FAM135B: variants seen among roughly 807,000 people sequenced by gnomAD.
FAM135B encodes the protein protein FAM135B.
A neutral mutation model predicts 127.7 loss-of-function variants in FAM135B; 43 were observed. The ratio of observed to expected loss-of-function variants is 0.34; its 90% CI spans 0.26 to 0.43. The LOEUF (loss-of-function observed/expected upper bound fraction) is 0.43, where lower values mean the gene tolerates loss of function less well. Ranked by LOEUF, FAM135B falls within the 20% of genes least tolerant of loss-of-function variation. The probability of loss-of-function intolerance (pLI) is 1.00; values close to 1 mark genes in which losing one functional copy is unlikely to be tolerated. For synonymous variants in FAM135B, 670 were observed against 665.1 expected, an observed-to-expected ratio of 1.01 and a Z score of -0.11; for missense variants, 1,558 against 1,725.6, an observed-to-expected ratio of 0.90 and a Z score of 1.72.
At chr8:138,261,774 A>G (rs77384682) in intron 4 of FAM135B, among the ~76,000 whole-genome samples, 4 of 108,122 alleles carry the variant, frequency 3.7e-5, no homozygotes, top group Non-Finnish European at 2.0e-5. Context: ...CTGAATCTTC[A>G]TGTCTGAATT....
chr8:138,447,285 C>T (rs1433387207), intron 1 of FAM135B, among the ~76,000 whole-genome samples: 1 of 152,034 alleles, frequency 6.6e-6, no homozygotes, highest in Admixed American at 6.6e-5. Flanking sequence ...TACCATTTGA[C>T]CCAGCCATCC....
chr8:138,266,623 A>ATG (rs1005113373), intron 3 of FAM135B, among the ~76,000 whole-genome samples: 1 of 148,736 alleles, frequency 6.7e-6, no homozygotes, highest in African/African-American at 2.5e-5. Flanking sequence ...ATATGTATAT[A>ATG]TGTGTATATA....
In FAM135B at chr8:138,152,620, C is replaced by T. The variant is rs1187813761; in HGVS notation, c.1855G>A (p.Gly619Arg). 2 of 1,614,142 alleles carry T rather than the reference C, an allele frequency of 1.2e-6. No individual in the cohort carries two copies. The highest frequency in any genetic ancestry group is 1.3e-5 in the African/African-American group (1 of 75,050). The change falls in exon 13 of 20, where the codon GGA becomes AGA. Residue 619 changes from glycine to arginine, a missense_variant. By Grantham distance (125) the Gly-to-Arg change is moderately radical. Around this residue, in one of 5 missense-constraint regions of FAM135B, gnomAD observed 923 missense variants for 865.3 expected, o/e 1.07. Coordinates refer to ENST00000395297, the MANE Select transcript of FAM135B (RefSeq NM_015912.4). ...KTTLHELSTL[G>R]KGIDQEGKMV... is the part of the protein sequence containing the mutation. Reference sequence around the variant, plus strand: ...TTCCCCTCTTGATCTATTCCCTTTCCTAGAGTACTTAATTCATGGAGAGTT... The same window carrying T: ...TTCCCCTCTTGATCTATTCCCTTTCTTAGAGTACTTAATTCATGGAGAGTT...
At chr8:138,172,555 C>T (rs4909401) in intron 11 of FAM135B, among the ~76,000 whole-genome samples, 80,126 of 152,084 alleles carry the variant, frequency 0.53, 21,695 homozygotes, top group East Asian at 0.81. Flanking sequence ...TCTTTAGCCC[C>T]ATCTTTAATT....
intron 1 of FAM135B, among the ~76,000 whole-genome samples, chr8:138,393,685 T>C (rs1156599037): frequency 6.6e-6 from 1 of 152,196 alleles, no homozygotes; most frequent in Non-Finnish European, 1.5e-5. Context: ...GGCAGTTTAC[T>C]TTCCTGCCCT....
chr8:138,297,056 T>G (rs1457146832), intron 3 of FAM135B, among the ~76,000 whole-genome samples: 1 of 152,150 alleles, frequency 6.6e-6, no homozygotes, highest in Admixed American at 6.5e-5. Context: ...CAGCCAGGCC[T>G]GGCATCTGGG....
chr8:138,317,475 TAC>T lies in FAM135B; in HGVS notation c.78-6557_78-6556del, dbSNP rs1337520349. ...TATCAATATCCTGACTGTGAAATTG[TAC>T]CATAGCATTACAAGATACTACCATT... is the stretch of plus-strand genomic sequence containing the variant. On this transcript the variant is annotated intron_variant, in intron 2 of 19. Transcript: ENST00000395297. Among the ~76,000 whole-genome samples, 7 of 152,304 alleles carry T rather than the reference TAC, an allele frequency of 4.6e-5. No homozygotes were observed. In the East Asian group the frequency reaches 1.4e-3, roughly 29 times the overall value.
rs115664539 is a variant in FAM135B, at chr8:138,196,890, G to A, written c.823+626C>T. 4.1e-3 allele frequency among the ~76,000 whole-genome samples: 623 copies of A among 152,300 alleles called. 5 individuals are homozygous for A. Among genetic ancestry groups the A allele is most frequent in the African/African-American group, 0.014 (588 of 41,552 alleles). Reference sequence around the variant, plus strand: ...ACATTACTGTGTGATGCTGAGCAACGCTTTTACCTCTCTGAGCTTCAGGTC... The same window carrying A: ...ACATTACTGTGTGATGCTGAGCAACACTTTTACCTCTCTGAGCTTCAGGTC... On this transcript the variant is annotated intron_variant, in intron 8 of 19. Coordinates refer to ENST00000395297, the MANE Select transcript of FAM135B (RefSeq NM_015912.4).
rs535405740 is a variant in FAM135B at position 138,316,345 on chromosome 8, T to G, written c.78-5425A>C. 7.3e-5 allele frequency among the ~76,000 whole-genome samples: 11 copies of G among 151,690 alleles called. No individual in the cohort carries two copies. The East Asian group carries it at 2.0e-3, about 27-fold the overall frequency. On this transcript the variant is annotated intron_variant, in intron 2 of 19. Coordinates refer to ENST00000395297, the MANE Select transcript of FAM135B (RefSeq NM_015912.4). ...CCGTCTCTACTAAAAATACAAAAAATTAGCCAGGCGCAGTGGCGGGCGCCT... is the reference window on the plus strand; with the variant it reads ...CCGTCTCTACTAAAAATACAAAAAAGTAGCCAGGCGCAGTGGCGGGCGCCT...
chr8:138,286,545 C>T (rs566244457), intron 3 of FAM135B, among the ~76,000 whole-genome samples: 3 of 152,300 alleles, frequency 2.0e-5, no homozygotes, highest in African/African-American at 7.2e-5. Flanking sequence ...AGGGATATTT[C>T]ACTCCTCAGA....
Position 138,313,231 on chromosome 8 carries a change from A to T in FAM135B, c.78-2311T>A, listed in dbSNP as rs1163533430. On this transcript the variant is annotated intron_variant, in intron 2 of 19. Coordinates refer to ENST00000395297, the MANE Select transcript of FAM135B (RefSeq NM_015912.4). ...ACTGCAACTTCCGTCTCCCGGGTTC[A>T]AGTGATTCTCCTGCCTCAGCCTCCC... is the stretch of plus-strand genomic sequence containing the variant. Among the ~76,000 whole-genome samples, 3 of 152,122 alleles carry T rather than the reference A, an allele frequency of 2.0e-5. No individual in the cohort carries two copies. In the East Asian group the frequency reaches 5.8e-4, roughly 29 times the overall value.
chr8:138,226,623 G>T, intron 7 of FAM135B, among the ~76,000 whole-genome samples: 1 of 152,224 alleles, frequency 6.6e-6, no homozygotes, highest in Non-Finnish European at 1.5e-5. Flanking sequence ...GTGCAGTAGT[G>T]TGATGTCAGC....
chr8:138,213,214 C>G (rs4909760), intron 7 of FAM135B, among the ~76,000 whole-genome samples: 4,251 of 152,208 alleles, frequency 0.028, 125 homozygotes, highest in East Asian at 0.14. Context: ...TGAGATACCA[C>G]CTACTGGATA....
At chr8:138,234,981 T>C (rs1444534439) in intron 7 of FAM135B, among the ~76,000 whole-genome samples, 1 of 152,222 alleles carries the variant, frequency 6.6e-6, no homozygotes, top group Non-Finnish European at 1.5e-5. Context: ...TATTTAAAAT[T>C]GTATTTTTGC....
intron 4 of FAM135B, among the ~76,000 whole-genome samples, 175 bp from the exon 5 acceptor site, chr8:138,256,934 T>A (rs775340427): frequency 3.9e-5 from 6 of 152,196 alleles, no homozygotes; most frequent in Non-Finnish European, 8.8e-5. Flanking sequence ...GAACAGGATA[T>A]CTGAGAGTAT....
chr8:138,203,611 T>C (rs1817325298), intron 7 of FAM135B, among the ~76,000 whole-genome samples: 1 of 152,174 alleles, frequency 6.6e-6, no homozygotes, highest in Non-Finnish European at 1.5e-5. Flanking sequence ...CGAATTCTTT[T>C]GTGTGCCATT....
rs1818545014 is a variant in FAM135B at position 138,154,741 on chromosome 8, A to AG, written c.1259-1526dup. ...AAATGAAGTGAAAAGAGAAGTTTAG[A>AG]GAAAAAAAGAGTAAAAAGAAATGAA... On this transcript the variant is annotated intron_variant, in intron 12 of 19. Coordinates refer to ENST00000395297, the MANE Select transcript of FAM135B (RefSeq NM_015912.4). Among the ~76,000 whole-genome samples the AG allele has an allele frequency of 3.3e-5, 5 of 152,308 alleles. No homozygotes were observed. The South Asian group carries it at 1.0e-3, about 32-fold the overall frequency.
At chr8:138,206,565 A>ACACAAC (rs1817655501) in intron 7 of FAM135B, among the ~76,000 whole-genome samples, 1 of 26,922 alleles carries the variant, frequency 3.7e-5, no homozygotes, top group South Asian at 1.1e-3. Context: ...CTCCACCTAC[A>ACACAAC]CACAACTCTA....
chr8:138,386,146 G>A (rs1042686466), intron 1 of FAM135B, among the ~76,000 whole-genome samples: 27 of 151,726 alleles, frequency 1.8e-4, no homozygotes, highest in Admixed American at 6.6e-5. Context: ...AACCTGGAAG[G>A]TAGAGGTTGC....
Sources: allele counts gnomAD v4.1 joint callset (sites outside exome capture counted in the v4.1 genomes callset), GRCh38; gene constraint gnomAD v4.1.1; regional missense constraint gnomAD v4.1.1; transcripts MANE v1.5; gene names NCBI Gene and HGNC (gene_info 2026-07-23, HGNC 2026-07-21).